The following ESCO1 variants were observed in gnomAD, a reference collection of about 807,000 sequenced individuals.
The protein encoded by ESCO1 is N-acetyltransferase ESCO1.
In ESCO1, 33 loss-of-function variants were observed where a neutral mutation model predicts 83.5. The observed-to-expected ratio is 0.40, with a 90% CI of 0.30 to 0.53. The LOEUF (loss-of-function observed/expected upper bound fraction) is 0.53, where lower values mean the gene tolerates loss of function less well. Among genes scored for constraint, ESCO1 ranks in the 20% least tolerant of loss-of-function variants. ESCO1 has a pLI of 0.63. For synonymous variants in ESCO1, 332 were observed against 324.3 expected, an observed-to-expected ratio of 1.02 and a Z score of -0.25; for missense variants, 855 against 968.0, an observed-to-expected ratio of 0.88 and a Z score of 1.55.
intron 1 of ESCO1, among the ~76,000 whole-genome samples, chr18:21,599,608 G>A (rs1598485311): frequency 6.6e-6 from 1 of 152,150 alleles, no homozygotes; most frequent in East Asian, 1.9e-4. Flanking sequence ...TAGATACTGT[G>A]TGCTGCGATT....
intron 11 of ESCO1, 58 bp from the exon 12 acceptor site, chr18:21,530,548 AAT>A: frequency 6.8e-7 from 1 of 1,474,216 alleles, no homozygotes. Context: ...AAAAAAAAAA[AAT>A]TCTAATCATT....
intron 1 of ESCO1, among the ~76,000 whole-genome samples, chr18:21,598,625 C>A (rs2038797815): frequency 6.6e-6 from 1 of 152,178 alleles, no homozygotes; most frequent in East Asian, 1.9e-4. Flanking sequence ...TCACTTGAAC[C>A]CAGGAGGCGG....
intron 11 of ESCO1, 60 bp from the exon 12 acceptor site, chr18:21,530,550 T>C (rs2037754905): frequency 5.9e-6 from 8 of 1,347,756 alleles, no homozygotes; most frequent in Non-Finnish European, 8.0e-6. Context: ...AAAAAAAAAA[T>C]TCTAATCATT....
chr18:21,539,123 C>T (rs943117236), intron 9 of ESCO1, among the ~76,000 whole-genome samples: 1 of 151,720 alleles, frequency 6.6e-6, no homozygotes, highest in Non-Finnish European at 1.5e-5. Flanking sequence ...GGAATATATC[C>T]TTATATCTTA....
chr18:21,530,614 T>G (rs1371119058), intron 11 of ESCO1, 124 bp from the exon 12 acceptor site: 14 of 721,592 alleles, frequency 1.9e-5, no homozygotes, highest in Non-Finnish European at 2.7e-5. Flanking sequence ...TTTTAGATAC[T>G]GCTGTATGTG....
At chr18:21,547,035 C>CGGG (rs1420406932) in intron 8 of ESCO1, among the ~76,000 whole-genome samples, 1 of 152,180 alleles carries the variant, frequency 6.6e-6, no homozygotes, top group Non-Finnish European at 1.5e-5. Flanking sequence ...TGCCTTTGCT[C>CGGG]TATACCCTTC....
chr18:21,567,673 C>A (rs745502389), intron 5 of ESCO1, among the ~76,000 whole-genome samples: 6 of 152,090 alleles, frequency 3.9e-5, no homozygotes, highest in African/African-American at 7.2e-5. Context: ...AAATAAGCTG[C>A]TACCACTATT....
rs2038380723 is a variant in ESCO1 at position 21,574,052 on chromosome 18, C to A, written c.792G>T (p.Lys264Asn). ...SVVPKKNEMK[K>N]SVHTQVNTNT... ...TAGTATTCACTTGTGTATGAACCGA[C>A]TTCTTCATCTCATTCTTTTTCGGGA... The change falls in exon 4 of 12, where the codon AAG becomes AAT. Residue 264 changes from lysine (K) to asparagine (N), a missense_variant. Physicochemically the swap from Lys to Asn is moderately conservative, Grantham distance 94. Coordinates refer to ENST00000269214, the MANE Select transcript of ESCO1 (RefSeq NM_052911.3). 6.2e-7 allele frequency: 1 copy of A among 1,612,634 alleles called. No homozygotes were observed. The highest frequency in any genetic ancestry group is 1.7e-5 in the Admixed American group (1 of 59,974).
chr18:21,594,971 T>TGTGTG (rs2038740339), intron 1 of ESCO1, among the ~76,000 whole-genome samples: 1 of 131,734 alleles, frequency 7.6e-6, no homozygotes, highest in African/African-American at 3.0e-5. Context: ...GTGTGTATCT[T>TGTGTG]TTTTATATAT....
chr18:21,538,132 T>C (rs1051718729), intron 9 of ESCO1, among the ~76,000 whole-genome samples: 1 of 151,998 alleles, frequency 6.6e-6, no homozygotes, highest in Admixed American at 6.6e-5. Flanking sequence ...AGTAGGCTAT[T>C]AGCAGTTAAG....
chr18:21,575,771 A>C lies in ESCO1; in HGVS notation c.-687T>G. ...TTCTAATATGCTCTTAACACATCAC[A>C]CAGCACCTGAAAGAAAAAGGGTTTT... On this transcript the variant is annotated 5_prime_UTR_variant, in exon 3 of 12. Coordinates refer to ENST00000269214, the MANE Select transcript of ESCO1 (RefSeq NM_052911.3). The C allele has an allele frequency of 2.5e-6, 1 of 398,226 alleles. No homozygotes were observed. The allele number at this position is 398,226 out of a possible 1,614,324, so 24.7% of individuals were successfully genotyped here. A position where few individuals can be genotyped will look rare whatever the true frequency, so the allele number is the denominator to read the frequency against.
chr18:21,586,905 C>T (rs945467534), intron 1 of ESCO1, among the ~76,000 whole-genome samples: 1 of 152,178 alleles, frequency 6.6e-6, no homozygotes, highest in African/African-American at 2.4e-5. Context: ...GGATTTTTCA[C>T]AGATGCCCTT....
intron 2 of ESCO1, among the ~76,000 whole-genome samples, chr18:21,579,648 T>C (rs2038465546): frequency 6.9e-6 from 1 of 145,508 alleles, no homozygotes; most frequent in Non-Finnish European, 1.5e-5. Context: ...GGCAGGCACC[T>C]GTAATCCCAG....
intron 4 of ESCO1, among the ~76,000 whole-genome samples, chr18:21,568,310 A>G (rs1239396917): frequency 6.6e-6 from 1 of 152,154 alleles, no homozygotes; most frequent in Non-Finnish European, 1.5e-5. Context: ...AGCAGGGTAC[A>G]GCAGTGCATG....
At chr18:21,566,306 C>T (rs1198350786) in intron 5 of ESCO1, 100 bp from the exon 6 acceptor site, 2 of 983,314 alleles carry the variant, frequency 2.0e-6, no homozygotes. Context: ...ACCTTCAATG[C>T]ATTAAATGAC....
At chr18:21,589,238 CAA>C (rs1167027796) in intron 1 of ESCO1, among the ~76,000 whole-genome samples, 12 of 116,434 alleles carry the variant, frequency 1.0e-4, no homozygotes, top group South Asian at 2.6e-4. Flanking sequence ...GACTCCGTCT[CAA>C]AAAAAAAAAA....
At chr18:21,585,056 G>A (rs2038554972) in intron 1 of ESCO1, among the ~76,000 whole-genome samples, 1 of 150,048 alleles carries the variant, frequency 6.7e-6, no homozygotes, top group Admixed American at 6.7e-5. Flanking sequence ...GCAGAGAACT[G>A]CTTGAACCCG....
At chr18:21,595,007 T>C (rs2038741251) in intron 1 of ESCO1, among the ~76,000 whole-genome samples, 1 of 151,264 alleles carries the variant, frequency 6.6e-6, no homozygotes, top group South Asian at 2.1e-4. Flanking sequence ...AGCACCACCA[T>C]GTCTGGCTAG....
At chr18:21,553,750 G>A (rs1345818271) in intron 8 of ESCO1, among the ~76,000 whole-genome samples, 18 of 151,468 alleles carry the variant, frequency 1.2e-4, no homozygotes, top group Admixed American at 2.6e-4. Flanking sequence ...CCAGCTACTC[G>A]GGAGGCTGAG....
Sources: gnomAD v4.1 joint callset for allele counts (sites outside exome capture counted in the v4.1 genomes callset) on GRCh38, gnomAD v4.1.1 for gene constraint, MANE v1.5 for transcripts, NCBI Gene and HGNC (gene_info 2026-07-23, HGNC 2026-07-21) for gene names.